The following TXNL1 variants were observed in gnomAD, a reference collection of about 807,000 sequenced individuals.
The protein encoded by TXNL1 is thioredoxin-like protein 1.
Under a neutral mutation model 35.5 loss-of-function variants are expected in TXNL1, and 14 were observed. The ratio of observed to expected loss-of-function variants is 0.39; its 90% CI spans 0.26 to 0.62. The LOEUF is 0.62. Among genes scored for constraint, TXNL1 ranks in the 20% least tolerant of loss-of-function variants. The pLI is 0.47. For synonymous variants in TXNL1, 110 were observed against 115.5 expected, an observed-to-expected ratio of 0.95 and a Z score of 0.31; for missense variants, 263 against 349.7, an observed-to-expected ratio of 0.75 and a Z score of 1.98.
intron 3 of TXNL1, among the ~76,000 whole-genome samples, chr18:56,622,227 G>C (rs1210554012): frequency 6.6e-6 from 1 of 151,860 alleles, no homozygotes; most frequent in Non-Finnish European, 1.5e-5. Context: ...TGCTGGTTTA[G>C]ACTTTCAAAA....
chr18:56,617,348 C>T (rs2024105133), intron 4 of TXNL1, among the ~76,000 whole-genome samples: 1 of 152,200 alleles, frequency 6.6e-6, no homozygotes. Flanking sequence ...CAGATCAAGT[C>T]AGCCTCCTCC....
At chr18:56,637,662 C>T (rs1240736236) in intron 1 of TXNL1, among the ~76,000 whole-genome samples, 1 of 152,186 alleles carries the variant, frequency 6.6e-6, no homozygotes. Flanking sequence ...ACTAAGACAT[C>T]CGGCCAACTG....
intron 3 of TXNL1, among the ~76,000 whole-genome samples, chr18:56,619,408 G>A (rs2024143859): frequency 6.6e-6 from 1 of 150,840 alleles, no homozygotes; most frequent in African/African-American, 2.4e-5. Context: ...CATGGTGGCG[G>A]GCACCTATAA....
chr18:56,615,838 G>A (rs1413897716), intron 5 of TXNL1, among the ~76,000 whole-genome samples: 2 of 151,928 alleles, frequency 1.3e-5, no homozygotes, highest in Admixed American at 6.6e-5. Context: ...ATCTTGCTTC[G>A]TTCCAAAACA....
intron 4 of TXNL1, among the ~76,000 whole-genome samples, chr18:56,616,786 T>C (rs1297119134): frequency 6.6e-6 from 1 of 152,168 alleles, no homozygotes; most frequent in African/African-American, 2.4e-5. Context: ...CTCAAGAGAA[T>C]AGGGTTCTTA....
intron 7 of TXNL1, among the ~76,000 whole-genome samples, chr18:56,606,505 G>A (rs1339943560): frequency 1.3e-5 from 2 of 152,184 alleles, no homozygotes; most frequent in Non-Finnish European, 2.9e-5. Context: ...ACCTTCCTAA[G>A]TTCATGTCCA....
intron 6 of TXNL1, among the ~76,000 whole-genome samples, chr18:56,613,297 C>T (rs2024027059): frequency 6.6e-6 from 1 of 152,176 alleles, no homozygotes. Context: ...TTCTCAGTGG[C>T]TCTGTGCTGG....
intron 3 of TXNL1, among the ~76,000 whole-genome samples, chr18:56,622,675 A>G (rs2024208532): frequency 6.6e-6 from 1 of 152,200 alleles, no homozygotes; most frequent in Admixed American, 6.5e-5. Context: ...CTCATACCAC[A>G]GCGGATGTGT....
intron 1 of TXNL1, among the ~76,000 whole-genome samples, chr18:56,635,378 G>T (rs2024440381): frequency 6.6e-6 from 1 of 152,168 alleles, no homozygotes; most frequent in African/African-American, 2.4e-5. Context: ...ATCAAAAAAT[G>T]AACAGGTATA....
chr18:56,616,942 TC>T (rs1257071180), intron 4 of TXNL1, among the ~76,000 whole-genome samples: 2 of 152,202 alleles, frequency 1.3e-5, no homozygotes, highest in Non-Finnish European at 1.5e-5. Context: ...CAATCTTCTT[TC>T]CAGCCAAAAG....
At chr18:56,620,409 AT>A (rs1385696783) in intron 3 of TXNL1, among the ~76,000 whole-genome samples, 1 of 152,248 alleles carries the variant, frequency 6.6e-6, no homozygotes, top group African/African-American at 2.4e-5. Flanking sequence ...TCAAAAATAA[AT>A]TTAAAAGTTT....
chr18:56,606,474 C>T (rs1464576092), intron 7 of TXNL1, among the ~76,000 whole-genome samples: 1 of 152,198 alleles, frequency 6.6e-6, no homozygotes, highest in African/African-American at 2.4e-5. Context: ...TGTGACTTGT[C>T]CTTGAACGAT....
rs1404756112 is a variant in TXNL1 at position 56,616,231 on chromosome 18, T to C, written c.562+14A>G. 1.2e-6 allele frequency: 2 copies of C among 1,609,972 alleles called. No individual in the cohort carries two copies. The highest frequency in any genetic ancestry group is 1.7e-5 in the Admixed American group (1 of 59,520). The stretch of plus-strand genomic sequence containing the variant: ...AGCAGAAGTTAGTTTAAAGAAAAGC[T>C]ATCCTTTACTCACCATTATCTGGCC... On this transcript the variant is annotated intron_variant, in intron 5 of 7. Transcript: ENST00000217515.
chr18:56,601,963 C>T lies in TXNL1; in HGVS notation c.*1064G>A, dbSNP rs991487786. 2.0e-5 allele frequency: 3 copies of T among 152,160 alleles called. No homozygotes were observed. The highest frequency in any genetic ancestry group is 4.8e-5 in the African/African-American group (2 of 41,428). 9.4% of individuals were successfully genotyped at this position (152,160 alleles called of 1,614,324 possible). On this transcript the variant is annotated 3_prime_UTR_variant, in exon 8 of 8. Coordinates refer to ENST00000217515, the MANE Select transcript of TXNL1 (RefSeq NM_004786.3). ...AAATCATGTTCTCTGTATATTTACA[C>T]TGCACGTTTTGGTAGTTCAGGTAAT...
At chr18:56,623,376 T>C (rs1008782408) in intron 3 of TXNL1, among the ~76,000 whole-genome samples, 7 of 147,084 alleles carry the variant, frequency 4.8e-5, no homozygotes, top group Non-Finnish European at 8.9e-5. Context: ...TGCAGTGAGC[T>C]GAGATCGTGC....
chr18:56,597,644 A>C lies in TXNL1; in HGVS notation c.*5383T>G, dbSNP rs2023760632. The stretch of plus-strand genomic sequence containing the variant: ...TTAATATTTCTTAGGATTCCCTAAC[A>C]TTTGCTCCTTAGTTTCATTCTCTCC... On this transcript the variant is annotated 3_prime_UTR_variant, in exon 8 of 8. Transcript: ENST00000217515. 1.3e-5 allele frequency: 2 copies of C among 152,148 alleles called. No homozygotes were observed. Among genetic ancestry groups the C allele is most frequent in the East Asian group, 3.9e-4 (2 of 5,174 alleles). 9.4% of individuals were successfully genotyped at this position (152,148 alleles called of 1,614,324 possible). A position where few individuals can be genotyped will look rare whatever the true frequency, so the allele number is the denominator to read the frequency against.
chr18:56,614,152 G>C (rs910428614), intron 6 of TXNL1, among the ~76,000 whole-genome samples: 2 of 152,148 alleles, frequency 1.3e-5, no homozygotes, highest in African/African-American at 4.8e-5. Flanking sequence ...TTCAGTTTTA[G>C]TATAAAGTTG....
intron 1 of TXNL1, among the ~76,000 whole-genome samples, chr18:56,626,688 G>C (rs2024286408): frequency 6.7e-6 from 1 of 149,896 alleles, no homozygotes; most frequent in African/African-American, 2.5e-5. Context: ...GTAGAGACAT[G>C]GTTTCACTGG....
rs1477933652 is a variant in TXNL1, at chr18:56,598,641, A to G, written c.*4386T>C. On this transcript the variant is annotated 3_prime_UTR_variant, in exon 8 of 8. Coordinates refer to ENST00000217515, the MANE Select transcript of TXNL1 (RefSeq NM_004786.3). ...GGATACATGAGAGAGGCCAGAGCAG[A>G]AACAAAGAGACAATTAGGAGGCACT... 1.3e-5 allele frequency: 2 copies of G among 152,324 alleles called. No homozygotes were observed. Among genetic ancestry groups the G allele is most frequent in the Non-Finnish European group, 2.9e-5 (2 of 68,112 alleles). The allele number at this position is 152,324 out of a possible 1,614,324, so 9.4% of individuals were successfully genotyped here. A position where few individuals can be genotyped will look rare whatever the true frequency, so the allele number is the denominator to read the frequency against.
Sources: allele counts gnomAD v4.1 joint callset (sites outside exome capture counted in the v4.1 genomes callset), GRCh38; gene constraint gnomAD v4.1.1; transcripts MANE v1.5; gene names NCBI Gene and HGNC (gene_info 2026-07-23, HGNC 2026-07-21).